Variants in MCTP1 observed in about 807,000 individuals in gnomAD.
MCTP1 encodes the protein multiple C2 and transmembrane domain containing 1.
Under a neutral mutation model 120.6 loss-of-function variants are expected in MCTP1, and 69 were observed. That is an observed-to-expected ratio of 0.57 (90% CI 0.47 to 0.70). The LOEUF (loss-of-function observed/expected upper bound fraction) is 0.70. Ranked by LOEUF, MCTP1 falls within the 30% of genes least tolerant of loss-of-function variation. The probability of loss-of-function intolerance (pLI) is 0.00; values close to 1 mark genes in which losing one functional copy is unlikely to be tolerated. For missense variants in MCTP1, 1,203 were observed against 1,248.8 expected (o/e 0.96, Z 0.55); for synonymous variants, 529 against 493.1 (o/e 1.07, Z -0.96).
At chr5:95,280,498 C>T (rs554041207) in intron 1 of MCTP1, among the ~76,000 whole-genome samples, 1 of 152,272 alleles carries the variant, frequency 6.6e-6, no homozygotes, top group Non-Finnish European at 1.5e-5. Flanking sequence ...ATTTTAGTAA[C>T]TCGTCAAGGC....
chr5:95,267,242 T>C (rs1758975170), intron 1 of MCTP1, among the ~76,000 whole-genome samples: 1 of 152,160 alleles, frequency 6.6e-6, no homozygotes, highest in Admixed American at 6.5e-5. Context: ...TAGAACCCTC[T>C]CCAAAGTTTT....
chr5:94,748,458 G>T (rs1433226088), intron 19 of MCTP1, among the ~76,000 whole-genome samples: 1 of 152,160 alleles, frequency 6.6e-6, no homozygotes, highest in Non-Finnish European at 1.5e-5. Context: ...ATTTTGACAT[G>T]GTTAAATAGG....
intron 1 of MCTP1, among the ~76,000 whole-genome samples, chr5:95,262,501 T>C (rs1243699637): frequency 6.6e-6 from 1 of 152,138 alleles, no homozygotes; most frequent in Non-Finnish European, 1.5e-5. Context: ...AATAATGAGA[T>C]AAAGATGCCC....
chr5:94,711,712 C>CAGA (rs1360345515), intron 20 of MCTP1, among the ~76,000 whole-genome samples: 3 of 140,756 alleles, frequency 2.1e-5, no homozygotes, highest in Admixed American at 7.2e-5. Context: ...GACCAATGAA[C>CAGA]AGAAGTAGAA....
intron 1 of MCTP1, among the ~76,000 whole-genome samples, chr5:95,024,678 C>CACA (rs60289527): frequency 6.8e-6 from 1 of 148,120 alleles, no homozygotes; most frequent in African/African-American, 2.5e-5. Context: ...CACACACACA[C>CACA]CCCTAAATGC....
intron 14 of MCTP1, 115 bp downstream of exon 14, chr5:94,871,200 A>G: frequency 2.7e-6 from 2 of 743,062 alleles, no homozygotes; most frequent in South Asian, 3.3e-5. Flanking sequence ...TAGTGTTCTT[A>G]TTACAGACCT....
intron 19 of MCTP1, among the ~76,000 whole-genome samples, chr5:94,754,855 C>T (rs1769382681): frequency 6.6e-6 from 1 of 152,172 alleles, no homozygotes; most frequent in Non-Finnish European, 1.5e-5. Flanking sequence ...CCCATCCATT[C>T]GGTTCTGGCT....
chr5:94,851,412 A>G (rs1220179819), intron 17 of MCTP1, among the ~76,000 whole-genome samples: 1 of 152,074 alleles, frequency 6.6e-6, no homozygotes. Flanking sequence ...TCTTCTTCAC[A>G]GTGTTAGAGA....
intron 17 of MCTP1, among the ~76,000 whole-genome samples, chr5:94,846,472 A>C (rs1792391510): frequency 6.6e-6 from 1 of 152,102 alleles, no homozygotes; most frequent in South Asian, 2.1e-4. Flanking sequence ...GGACACAGGG[A>C]GGGAAACAAC....
intron 1 of MCTP1, among the ~76,000 whole-genome samples, chr5:95,082,821 A>G (rs1034387939): frequency 6.6e-6 from 1 of 152,168 alleles, no homozygotes; most frequent in Non-Finnish European, 1.5e-5. Context: ...ACCATATTGA[A>G]TAGCATAGGC....
intron 19 of MCTP1, among the ~76,000 whole-genome samples, chr5:94,741,819 A>T (rs1765588359): frequency 6.6e-6 from 1 of 152,064 alleles, no homozygotes; most frequent in Non-Finnish European, 1.5e-5. Context: ...TTAGAATTCT[A>T]CTCTGTGATT....
At chr5:94,892,229 A>G (rs1174141453) in intron 11 of MCTP1, among the ~76,000 whole-genome samples, 2 of 152,210 alleles carry the variant, frequency 1.3e-5, no homozygotes, top group African/African-American at 4.8e-5. Flanking sequence ...CTGTCATCTT[A>G]GAACCGCTCA....
intron 19 of MCTP1, among the ~76,000 whole-genome samples, chr5:94,760,517 G>C (rs552348210): frequency 6.6e-6 from 1 of 152,252 alleles, no homozygotes; most frequent in East Asian, 1.9e-4. Context: ...AATCATTGCT[G>C]ATCAGGATAC....
chr5:95,242,872 T>C (rs914594631), intron 1 of MCTP1, among the ~76,000 whole-genome samples: 1 of 152,242 alleles, frequency 6.6e-6, no homozygotes, highest in Non-Finnish European at 1.5e-5. Context: ...TGTGTACTTT[T>C]AACATGTGAA....
At chr5:94,716,538 C>T (rs1018028450) in intron 19 of MCTP1, among the ~76,000 whole-genome samples, 10 of 152,152 alleles carry the variant, frequency 6.6e-5, no homozygotes, top group African/African-American at 2.4e-4. Flanking sequence ...ATCTCAAGCA[C>T]CAGCTAAGTT....
chr5:95,208,356 G>A (rs1020954668), intron 1 of MCTP1, among the ~76,000 whole-genome samples: 26 of 152,100 alleles, frequency 1.7e-4, no homozygotes, highest in African/African-American at 6.3e-4. Context: ...CACCCAAAGA[G>A]CTGGGATTAC....
Position 95,107,282 on chromosome 5 carries a change from T to C in MCTP1, c.721-89798A>G, listed in dbSNP as rs151026934. ...TGGAAATAGATGTACTTAGTTCACA[T>C]AATGAATCGGGTACTCTGGGGGACA... On this transcript the variant is annotated intron_variant, in intron 1 of 22. Transcript: ENST00000515393. Among the ~76,000 whole-genome samples the C allele has an allele frequency of 5.0e-3, 757 of 152,344 alleles. 6 individuals are homozygous for C. The highest frequency in any genetic ancestry group is 0.017 in the African/African-American group (726 of 41,584).
intron 8 of MCTP1, among the ~76,000 whole-genome samples, chr5:94,916,364 T>C (rs1343041603): frequency 6.6e-6 from 1 of 152,206 alleles, no homozygotes; most frequent in Non-Finnish European, 1.5e-5. Flanking sequence ...AGTTTTCTTA[T>C]GTTTGATTTT....
At chr5:95,105,789 T>G (rs542820058) in intron 1 of MCTP1, among the ~76,000 whole-genome samples, 2 of 152,178 alleles carry the variant, frequency 1.3e-5, no homozygotes, top group Non-Finnish European at 2.9e-5. Flanking sequence ...AGACTTGTCT[T>G]TAAAAGAAAA....
Sources: gnomAD v4.1 joint callset for allele counts (sites outside exome capture counted in the v4.1 genomes callset) on GRCh38, gnomAD v4.1.1 for gene constraint, MANE v1.5 for transcripts, NCBI Gene and HGNC (gene_info 2026-07-23, HGNC 2026-07-21) for gene names.